Variants in PTPRK observed in about 807,000 individuals in gnomAD.
PTPRK encodes protein tyrosine phosphatase receptor type K.
A neutral mutation model predicts 178.0 loss-of-function variants in PTPRK; 75 were observed. The ratio of observed to expected loss-of-function variants is 0.42; its 90% CI spans 0.35 to 0.51. The LOEUF is 0.51. Ranked by LOEUF, PTPRK falls within the 20% of genes least tolerant of loss-of-function variation. PTPRK has a pLI of 0.02. For missense variants in PTPRK, 1,441 were observed against 1,797.8 expected (o/e 0.80, Z 3.59); for synonymous variants, 637 against 620.6 (o/e 1.03, Z -0.39).
At chr6:128,428,205 A>G (rs552968030) in intron 1 of PTPRK, among the ~76,000 whole-genome samples, 8 of 152,316 alleles carry the variant, frequency 5.3e-5, no homozygotes, top group African/African-American at 1.7e-4. Context: ...TAAGAATTCA[A>G]TGGAGTTACT....
chr6:128,148,518 C>G (rs1562675097), intron 7 of PTPRK, among the ~76,000 whole-genome samples: 1 of 152,090 alleles, frequency 6.6e-6, no homozygotes, highest in Non-Finnish European at 1.5e-5. Context: ...AGGTGATCCT[C>G]TTTTGACAGG....
intron 3 of PTPRK, among the ~76,000 whole-genome samples, chr6:128,280,400 C>T (rs1821480858): frequency 6.6e-6 from 1 of 152,122 alleles, no homozygotes; most frequent in South Asian, 2.1e-4. Flanking sequence ...AAAATTATCA[C>T]TATCCTTCTC....
chr6:128,355,471 C>G (rs558785711), intron 2 of PTPRK, among the ~76,000 whole-genome samples: 1 of 152,074 alleles, frequency 6.6e-6, no homozygotes, highest in East Asian at 1.9e-4. Flanking sequence ...TGTAGAGGGC[C>G]TATTGTGTGT....
At chr6:128,484,024 G>T (rs1194494303) in intron 1 of PTPRK, among the ~76,000 whole-genome samples, 2 of 151,810 alleles carry the variant, frequency 1.3e-5, no homozygotes. Context: ...ATGCATCCCT[G>T]GTTTCCCTTA....
chr6:128,323,855 T>A (rs72971103), intron 2 of PTPRK, among the ~76,000 whole-genome samples: 17,593 of 152,028 alleles, frequency 0.12, 1,541 homozygotes, highest in African/African-American at 0.24. Context: ...TCTTTCTTTC[T>A]TTCTGAGTCT....
chr6:128,227,405 A>G (rs1347751433), intron 5 of PTPRK, among the ~76,000 whole-genome samples: 1 of 152,178 alleles, frequency 6.6e-6, no homozygotes, highest in East Asian at 1.9e-4. Context: ...ATAAAAACAG[A>G]CTGACTAATA....
At position 128,520,550 on chromosome 6, in the gene PTPRK, C is replaced by A; in HGVS notation, c.-192G>T. The stretch of plus-strand genomic sequence containing the variant: ...GCGAAAGCGTCGCCAGCGTCGCCGG[C>A]CGGCCGCGGCGGCAGCTCTCCATGC... On this transcript the variant is annotated 5_prime_UTR_variant, in exon 1 of 30. Transcript: ENST00000368226. The A allele has an allele frequency of 1.7e-6, 1 of 577,730 alleles. No homozygotes were observed. The highest frequency in any genetic ancestry group is 3.1e-6 in the Non-Finnish European group (1 of 320,454). The allele number at this position is 577,730 out of a possible 1,614,324, so 35.8% of individuals were successfully genotyped here.
intron 6 of PTPRK, among the ~76,000 whole-genome samples, chr6:128,185,284 T>G (rs930616795): frequency 6.6e-6 from 1 of 152,134 alleles, no homozygotes; most frequent in African/African-American, 2.4e-5. Flanking sequence ...TAAACATCAC[T>G]GGTCTTTGGG....
intron 2 of PTPRK, among the ~76,000 whole-genome samples, chr6:128,380,539 T>C (rs1033944455): frequency 6.2e-4 from 91 of 146,030 alleles, no homozygotes; most frequent in African/African-American, 2.1e-3. Flanking sequence ...CACACAGACA[T>C]ACACACACAC....
At chr6:128,154,261 T>C (rs77662547) in intron 7 of PTPRK, among the ~76,000 whole-genome samples, 1 of 151,766 alleles carries the variant, frequency 6.6e-6, no homozygotes, top group African/African-American at 2.4e-5. Flanking sequence ...ATCCAATTCA[T>C]AATGAAGGCA....
chr6:128,493,073 T>C (rs1406196723), intron 1 of PTPRK, among the ~76,000 whole-genome samples: 1 of 152,168 alleles, frequency 6.6e-6, no homozygotes, highest in Non-Finnish European at 1.5e-5. Flanking sequence ...ATCTGGCACA[T>C]GGTAGGCACT....
intron 2 of PTPRK, among the ~76,000 whole-genome samples, chr6:128,370,687 C>A (rs1836149849): frequency 1.3e-5 from 2 of 152,066 alleles, no homozygotes; most frequent in Admixed American, 1.3e-4. Flanking sequence ...CAAAAATCAT[C>A]ATTTGTAAAT....
intron 13 of PTPRK, among the ~76,000 whole-genome samples, chr6:128,050,689 C>T (rs1009522028): frequency 1.3e-5 from 2 of 152,198 alleles, no homozygotes; most frequent in Non-Finnish European, 2.9e-5. Flanking sequence ...CAAACTATTA[C>T]ACTAAGCATT....
At chr6:128,514,348 A>G (rs1490489788) in intron 1 of PTPRK, among the ~76,000 whole-genome samples, 4 of 150,534 alleles carry the variant, frequency 2.7e-5, no homozygotes, top group Non-Finnish European at 4.4e-5. Flanking sequence ...TGTTTCTACA[A>G]CTAAGTCCTA....
chr6:128,034,300 C>G (rs936143424), intron 13 of PTPRK, among the ~76,000 whole-genome samples: 2 of 152,166 alleles, frequency 1.3e-5, no homozygotes, highest in African/African-American at 2.4e-5. Flanking sequence ...AATAAACCAA[C>G]AACATGATAG....
intron 3 of PTPRK, chr6:128,321,826 C>T (rs769688882): frequency 1.4e-6 from 1 of 726,354 alleles, no homozygotes; most frequent in African/African-American, 1.7e-5. Flanking sequence ...CAAACACTTC[C>T]TCATCAACAG....
intron 1 of PTPRK, among the ~76,000 whole-genome samples, chr6:128,501,877 A>C (rs2128437828): frequency 6.6e-6 from 1 of 152,350 alleles, no homozygotes; most frequent in South Asian, 2.1e-4. Flanking sequence ...TTTATATTTA[A>C]TAATGTATAT....
At chr6:128,066,013 G>GT (rs1781688637) in intron 12 of PTPRK, among the ~76,000 whole-genome samples, 3 of 145,764 alleles carry the variant, frequency 2.1e-5, no homozygotes, top group African/African-American at 8.5e-5. Context: ...ATATCAAAAA[G>GT]CTTTAAAGAA....
intron 7 of PTPRK, among the ~76,000 whole-genome samples, chr6:128,141,398 C>T (rs530018285): frequency 6.6e-6 from 1 of 151,718 alleles, no homozygotes; most frequent in Admixed American, 6.6e-5. Flanking sequence ...ATATCTTTAC[C>T]TTCATAAAAG....
Sources: allele counts gnomAD v4.1 joint callset (sites outside exome capture counted in the v4.1 genomes callset), GRCh38; gene constraint gnomAD v4.1.1; transcripts MANE v1.5; gene names NCBI Gene and HGNC (gene_info 2026-07-23, HGNC 2026-07-21).